The following CREB5 variants were observed in gnomAD, a reference collection of about 807,000 sequenced individuals.
CREB5 encodes cyclic AMP-responsive element-binding protein 5.
In CREB5, 19 loss-of-function variants were observed where a neutral mutation model predicts 57.1. The ratio of observed to expected loss-of-function variants is 0.33; its 90% CI spans 0.23 to 0.49. CREB5 has a LOEUF of 0.49. CREB5 is among the 20% of genes least tolerant of loss of function. The pLI, the probability that CREB5 is intolerant of heterozygous loss-of-function variation, is 0.99. For synonymous variants in CREB5, 238 were observed against 238.3 expected, an observed-to-expected ratio of 1.00 and a Z score of 0.01; for missense variants, 579 against 671.6, an observed-to-expected ratio of 0.86 and a Z score of 1.52.
intron 7 of CREB5, among the ~76,000 whole-genome samples, chr7:28,760,538 C>T (rs1325870507): frequency 6.6e-6 from 1 of 152,186 alleles, no homozygotes; most frequent in Non-Finnish European, 1.5e-5. Context: ...TCATGTAGGG[C>T]ATATATTATC....
intron 4 of CREB5, among the ~76,000 whole-genome samples, chr7:28,529,723 A>G (rs1793640272): frequency 6.6e-6 from 1 of 152,194 alleles, no homozygotes; most frequent in African/African-American, 2.4e-5. Context: ...TCCCACCCAA[A>G]TGTGGGGAAA....
chr7:28,469,169 C>A (rs1023799900), intron 1 of CREB5, among the ~76,000 whole-genome samples: 1 of 152,108 alleles, frequency 6.6e-6, no homozygotes, highest in Non-Finnish European at 1.5e-5. Flanking sequence ...TGCAATGAGC[C>A]GTGATTGCAC....
intron 1 of CREB5, among the ~76,000 whole-genome samples, chr7:28,405,391 T>G (rs894233250): frequency 6.6e-6 from 1 of 152,194 alleles, no homozygotes; most frequent in African/African-American, 2.4e-5. Context: ...TTCATCTTTT[T>G]GGGAAGCTGC....
intron 1 of CREB5, among the ~76,000 whole-genome samples, chr7:28,341,384 C>G (rs1369237398): frequency 1.3e-5 from 2 of 152,114 alleles, no homozygotes; most frequent in African/African-American, 4.8e-5. Flanking sequence ...CTCAATTATA[C>G]CAGTCATTCA....
intron 1 of CREB5, among the ~76,000 whole-genome samples, chr7:28,339,471 TC>T (rs756675010): frequency 4.6e-5 from 7 of 152,170 alleles, no homozygotes. Flanking sequence ...CCTTACTTTC[TC>T]CCAAGTAAAT....
intron 1 of CREB5, among the ~76,000 whole-genome samples, chr7:28,353,556 G>A (rs1042336557): frequency 2.6e-5 from 4 of 152,124 alleles, no homozygotes; most frequent in African/African-American, 9.7e-5. Flanking sequence ...AAAAATGGGA[G>A]AACGGGTCCA....
At chr7:28,625,695 A>G (rs1361547204) in intron 5 of CREB5, among the ~76,000 whole-genome samples, 1 of 152,212 alleles carries the variant, frequency 6.6e-6, no homozygotes, top group Non-Finnish European at 1.5e-5. Context: ...ACATGCAAGC[A>G]GAGTTCTCCC....
intron 9 of CREB5, among the ~76,000 whole-genome samples, chr7:28,814,201 G>A (rs564733724): frequency 5.3e-4 from 81 of 152,282 alleles, no homozygotes; most frequent in African/African-American, 1.8e-3. Context: ...CTTGAAAAGC[G>A]TTTTTACTTA....
At chr7:28,394,284 CAA>C (rs1787295390) in intron 1 of CREB5, among the ~76,000 whole-genome samples, 2 of 151,398 alleles carry the variant, frequency 1.3e-5, no homozygotes, top group African/African-American at 2.4e-5. Flanking sequence ...GAAAAAGAAA[CAA>C]GGGTAATGAA....
rs577672901 is a variant in CREB5 at position 28,820,083 on chromosome 7, C to G, written c.*804C>G. On this transcript the variant is annotated 3_prime_UTR_variant, in exon 11 of 11. Transcript: ENST00000357727. ...ACCCACAGCTGGAGTTCATTCAACT[C>G]TTGCTTTTCACAAAATAGTAACCAG... The G allele has an allele frequency of 6.6e-6, 1 of 151,820 alleles. No individual in the cohort carries two copies. The highest frequency in any genetic ancestry group is 2.1e-4 in the South Asian group (1 of 4,806). The allele number at this position is 151,820 out of a possible 1,614,324, so 9.4% of individuals were successfully genotyped here.
intron 1 of CREB5, among the ~76,000 whole-genome samples, chr7:28,419,172 G>A (rs1436704581): frequency 1.3e-5 from 2 of 152,228 alleles, no homozygotes; most frequent in African/African-American, 2.4e-5. Flanking sequence ...ACTGTTAAAA[G>A]TATTGTGTGG....
intron 5 of CREB5, among the ~76,000 whole-genome samples, chr7:28,691,454 A>G (rs1801254169): frequency 6.6e-6 from 1 of 151,468 alleles, no homozygotes; most frequent in Non-Finnish European, 1.5e-5. Flanking sequence ...TTGTATTTGC[A>G]ATAGCATATG....
At chr7:28,355,071 C>G (rs746819959) in intron 1 of CREB5, among the ~76,000 whole-genome samples, 1 of 152,150 alleles carries the variant, frequency 6.6e-6, no homozygotes, top group African/African-American at 2.4e-5. Flanking sequence ...CAGAAAACAT[C>G]CCTAGGAAAG....
intron 5 of CREB5, among the ~76,000 whole-genome samples, chr7:28,640,363 C>T (rs1043000671): frequency 6.6e-6 from 1 of 152,162 alleles, no homozygotes; most frequent in African/African-American, 2.4e-5. Flanking sequence ...ATGCCCAAAA[C>T]ACTATGATAT....
At chr7:28,754,159 T>G (rs1195287433) in intron 7 of CREB5, among the ~76,000 whole-genome samples, 3 of 152,196 alleles carry the variant, frequency 2.0e-5, no homozygotes, top group Admixed American at 6.5e-5. Flanking sequence ...GTGAGGTCAC[T>G]GCAGAAGGGA....
At chr7:28,803,244 T>A (rs1382059994) in intron 7 of CREB5, among the ~76,000 whole-genome samples, 2 of 152,172 alleles carry the variant, frequency 1.3e-5, no homozygotes, top group Non-Finnish European at 2.9e-5. Context: ...AAAAGAAAGC[T>A]ATTGAGTGAG....
intron 7 of CREB5, among the ~76,000 whole-genome samples, chr7:28,783,354 C>T (rs1807102173): frequency 6.6e-6 from 1 of 152,160 alleles, no homozygotes; most frequent in Admixed American, 6.5e-5. Flanking sequence ...TTCTCACCAT[C>T]CATTTTTTTT....
intron 1 of CREB5, among the ~76,000 whole-genome samples, chr7:28,468,961 A>G (rs1486763021): frequency 6.6e-6 from 1 of 152,238 alleles, no homozygotes; most frequent in Admixed American, 6.5e-5. Context: ...GCTCTCGACT[A>G]CTATGTGATC....
chr7:28,804,567 T>C (rs375055397), intron 8 of CREB5, 45 bp downstream of exon 8: 324 of 1,594,518 alleles, frequency 2.0e-4, no homozygotes, highest in Non-Finnish European at 2.6e-4. Flanking sequence ...TTCTCCTTCT[T>C]AACAGTGCAA....
Sources: gnomAD v4.1 joint callset for allele counts (sites outside exome capture counted in the v4.1 genomes callset) on GRCh38, gnomAD v4.1.1 for gene constraint, MANE v1.5 for transcripts, NCBI Gene and HGNC (gene_info 2026-07-23, HGNC 2026-07-21) for gene names.